ANK2: variants seen among roughly 807,000 people sequenced by gnomAD.
The protein encoded by ANK2 is ankyrin-2.
In ANK2, 83 loss-of-function variants were observed where a neutral mutation model predicts 360.5. The observed-to-expected ratio is 0.23, with a 90% CI of 0.19 to 0.28. The LOEUF (loss-of-function observed/expected upper bound fraction) is 0.28, where lower values mean the gene tolerates loss of function less well. Ranked by LOEUF, ANK2 falls within the 10% of genes least tolerant of loss-of-function variation. The pLI, the probability that ANK2 is intolerant of heterozygous loss-of-function variation, is 1.00. For synonymous variants in ANK2, 1,740 were observed against 1,759.5 expected, an observed-to-expected ratio of 0.99 and a Z score of 0.28; for missense variants, 4,201 against 4,795.7, an observed-to-expected ratio of 0.88 and a Z score of 3.66.
chr4:112,796,766 AG>A, the ANK2 span, among the ~76,000 whole-genome samples: 1 of 152,116 alleles, frequency 6.6e-6, no homozygotes, highest in Non-Finnish European at 1.5e-5. Context: ...TTCATTTCAA[AG>A]CTCATTGAAG....
At position 113,363,484 on chromosome 4, in the gene ANK2, A is replaced by G. The variant is rs750757500; in HGVS notation, c.10888+15A>G. ...ACATGCTACAGGTAAGTGGGGAACTATATGCATATTGGGCTAAAGTTGGAC... is the reference window on the plus strand; with the variant it reads ...ACATGCTACAGGTAAGTGGGGAACTGTATGCATATTGGGCTAAAGTTGGAC... On this transcript the variant is annotated intron_variant, in intron 40 of 45. Transcript: ENST00000357077. The G allele has an allele frequency of 7.4e-6, 12 of 1,612,884 alleles. No individual in the cohort carries two copies. The highest frequency in any genetic ancestry group is 1.3e-5 in the African/African-American group (1 of 74,860).
At chr4:112,785,133 T>G in the ANK2 span, among the ~76,000 whole-genome samples, 1 of 152,228 alleles carries the variant, frequency 6.6e-6, no homozygotes, top group African/African-American at 2.4e-5. Context: ...GAAGGTTCTG[T>G]GAGCTTGCAG....
intron 1 of ANK2, among the ~76,000 whole-genome samples, chr4:113,087,593 C>G (rs1290462514): frequency 2.6e-5 from 4 of 152,148 alleles, no homozygotes; most frequent in Middle Eastern, 6.8e-3. Flanking sequence ...ATGGCTTAAT[C>G]ATTTTTTAAG....
At chr4:113,131,752 C>T (rs867588039) in intron 1 of ANK2, among the ~76,000 whole-genome samples, 1 of 152,186 alleles carries the variant, frequency 6.6e-6, no homozygotes. Context: ...TTTAAAGCCC[C>T]CTAACATTCC....
intron 26 of ANK2, among the ~76,000 whole-genome samples, chr4:113,322,797 G>T (rs1036501910): frequency 6.6e-6 from 1 of 152,016 alleles, no homozygotes. Flanking sequence ...CTCAAATAAC[G>T]GGATATTTGA....
chr4:113,195,617 C>T (rs2098736116), intron 2 of ANK2, among the ~76,000 whole-genome samples: 1 of 151,988 alleles, frequency 6.6e-6, no homozygotes, highest in Non-Finnish European at 1.5e-5. Context: ...GCTATGGAAG[C>T]TAATAATTGG....
At chr4:113,129,133 C>T (rs374472546) in intron 1 of ANK2, among the ~76,000 whole-genome samples, 3 of 151,864 alleles carry the variant, frequency 2.0e-5, no homozygotes, top group African/African-American at 4.8e-5. Context: ...AGAAATAGCC[C>T]GGGGTCTTTA....
chr4:113,346,053 G>A, intron 35 of ANK2, 31 bp downstream of exon 35: 2 of 1,611,078 alleles, frequency 1.2e-6, no homozygotes. Context: ...GTGCAATTCA[G>A]GTAGAGTAGG....
chr4:113,297,524 C>T (rs539226393), intron 22 of ANK2, among the ~76,000 whole-genome samples: 4 of 151,980 alleles, frequency 2.6e-5, no homozygotes, highest in East Asian at 1.9e-4. Flanking sequence ...ACTTGTACCC[C>T]GTAAGTATGT....
chr4:112,842,434 T>G (rs1316319071), intron 1 of ANK2, among the ~76,000 whole-genome samples: 2 of 152,236 alleles, frequency 1.3e-5, no homozygotes, highest in African/African-American at 4.8e-5. Context: ...TCCTTTACCT[T>G]AATCCAGTGG....
chr4:113,361,403 T>C (rs778795871), intron 39 of ANK2, among the ~76,000 whole-genome samples: 1 of 152,078 alleles, frequency 6.6e-6, no homozygotes, highest in Non-Finnish European at 1.5e-5. Context: ...AATTTTATGT[T>C]AATAATTTAT....
the ANK2 span, among the ~76,000 whole-genome samples, chr4:112,743,638 G>A: frequency 6.7e-6 from 1 of 148,950 alleles, no homozygotes; most frequent in Non-Finnish European, 1.5e-5. Flanking sequence ...TGCCTCCCAG[G>A]TTCAAGCAAT....
intron 14 of ANK2, among the ~76,000 whole-genome samples, chr4:113,272,215 G>A (rs1484234346): frequency 6.6e-6 from 1 of 152,210 alleles, no homozygotes; most frequent in African/African-American, 2.4e-5. Context: ...GGCTCAGCAA[G>A]TCTCCAGAGT....
At chr4:113,052,517 G>T (rs2067526082) in intron 1 of ANK2, among the ~76,000 whole-genome samples, 2 of 152,100 alleles carry the variant, frequency 1.3e-5, no homozygotes, top group South Asian at 2.1e-4. Context: ...CTCTTCTGAG[G>T]GACAGAGCTA....
At chr4:112,832,003 A>G (rs2059876677) in intron 1 of ANK2, among the ~76,000 whole-genome samples, 1 of 150,278 alleles carries the variant, frequency 6.7e-6, no homozygotes, top group Non-Finnish European at 1.5e-5. Context: ...GAACTGTAAC[A>G]CTCACTGCAA....
chr4:113,190,362 G>A (rs956106488), intron 2 of ANK2, among the ~76,000 whole-genome samples: 9 of 151,854 alleles, frequency 5.9e-5, no homozygotes, highest in South Asian at 2.1e-4. Context: ...CTCCCGCCTC[G>A]GCCTCCCAAA....
chr4:113,325,862 A>C (rs1212558773), intron 26 of ANK2, among the ~76,000 whole-genome samples: 1 of 152,198 alleles, frequency 6.6e-6, no homozygotes, highest in East Asian at 1.9e-4. Flanking sequence ...TTTCATTGCC[A>C]GGTGAGGCTT....
Position 112,917,189 on chromosome 4 carries a change from T to G in ANK2, c.21+12675T>G, listed in dbSNP as rs549738954. On this transcript the variant is annotated intron_variant, in intron 2 of 30. Transcript: ENST00000503271. ...ACACAACTACTTTATGCTACCAACTTTCTGCTAAAGTGACAAGCACCACAA... is the reference window on the plus strand; with the variant it reads ...ACACAACTACTTTATGCTACCAACTGTCTGCTAAAGTGACAAGCACCACAA... Among the ~76,000 whole-genome samples the G allele has an allele frequency of 3.3e-5, 5 of 152,324 alleles. No homozygotes were observed. The East Asian group carries it at 5.8e-4, about 18-fold the overall frequency.
At chr4:112,738,781 A>C in the ANK2 span, 1 of 623,140 alleles carries the variant, frequency 1.6e-6, no homozygotes, top group Non-Finnish European at 3.0e-6. Flanking sequence ...AACTGGTGGA[A>C]ACCCAGAGGT....
Sources: allele counts gnomAD v4.1 joint callset (sites outside exome capture counted in the v4.1 genomes callset), GRCh38; gene constraint gnomAD v4.1.1; transcripts MANE v1.5; gene names NCBI Gene and HGNC (gene_info 2026-07-23, HGNC 2026-07-21).